The following CCDC7 variants were observed in gnomAD, a reference collection of about 807,000 sequenced individuals.
CCDC7 encodes coiled-coil domain-containing protein 7.
In CCDC7, 183 loss-of-function variants were observed where a neutral mutation model predicts 196.9. The observed-to-expected ratio is 0.93, with a 90% CI of 0.82 to 1.05. The LOEUF (loss-of-function observed/expected upper bound fraction) is 1.05. Ranked by LOEUF, CCDC7 falls within the 50% of genes least tolerant of loss-of-function variation. The pLI is 0.00. For synonymous variants in CCDC7, 525 were observed against 484.6 expected, an observed-to-expected ratio of 1.08 and a Z score of -1.10; for missense variants, 1,540 against 1,482.2, an observed-to-expected ratio of 1.04 and a Z score of -0.64.
chr10:32,523,968 T>C (rs575594148), intron 11 of CCDC7, among the ~76,000 whole-genome samples: 8 of 151,970 alleles, frequency 5.3e-5, no homozygotes, highest in Non-Finnish European at 1.2e-4. Context: ...GAAAGTTTAG[T>C]CCATTTACAT....
At chr10:32,746,107 C>A (rs1157521265) in intron 28 of CCDC7, among the ~76,000 whole-genome samples, 1 of 151,968 alleles carries the variant, frequency 6.6e-6, no homozygotes, top group African/African-American at 2.4e-5. Flanking sequence ...CACTGAGAGA[C>A]CAGACCATCA....
chr10:32,692,800 G>A (rs1283897063), intron 23 of CCDC7, among the ~76,000 whole-genome samples: 1 of 152,194 alleles, frequency 6.6e-6, no homozygotes, highest in East Asian at 1.9e-4. Context: ...TTACCCCACA[G>A]AAAAGCACTT....
At chr10:32,721,543 A>T (rs1311112806) in intron 25 of CCDC7, among the ~76,000 whole-genome samples, 2 of 152,126 alleles carry the variant, frequency 1.3e-5, no homozygotes, top group East Asian at 3.9e-4. Context: ...GGTGTCATCT[A>T]GATTTCTGCT....
chr10:32,656,413 A>T (rs909057193), intron 20 of CCDC7, among the ~76,000 whole-genome samples: 1 of 152,052 alleles, frequency 6.6e-6, no homozygotes, highest in African/African-American at 2.4e-5. Context: ...AAGAAAAGAG[A>T]TTTACTTGAC....
At chr10:32,524,809 T>A (rs2048406030) in intron 11 of CCDC7, among the ~76,000 whole-genome samples, 1 of 152,208 alleles carries the variant, frequency 6.6e-6, no homozygotes, top group Admixed American at 6.5e-5. Flanking sequence ...TAGGATCCTT[T>A]CCTTATCCTT....
chr10:32,689,653 C>T (rs2076852072), intron 23 of CCDC7, among the ~76,000 whole-genome samples: 1 of 152,084 alleles, frequency 6.6e-6, no homozygotes, highest in Non-Finnish European at 1.5e-5. Flanking sequence ...TTCTGGTAAC[C>T]CCATAGATGA....
intron 39 of CCDC7, among the ~76,000 whole-genome samples, chr10:32,849,729 A>T (rs1470633176): frequency 1.3e-5 from 2 of 151,952 alleles, no homozygotes; most frequent in East Asian, 3.9e-4. Context: ...AAGAAAAGAA[A>T]AATAGAAAGC....
chr10:32,816,230 C>T (rs969304282), intron 31 of CCDC7, among the ~76,000 whole-genome samples: 26 of 152,184 alleles, frequency 1.7e-4, no homozygotes, highest in Non-Finnish European at 2.5e-4. Context: ...CATGGAGCCT[C>T]GCTCATTGCT....
chr10:32,813,990 G>T (rs570581445), intron 30 of CCDC7, among the ~76,000 whole-genome samples: 1 of 151,228 alleles, frequency 6.6e-6, no homozygotes, highest in East Asian at 1.9e-4. Flanking sequence ...ACAGAGTCTC[G>T]CTGTGTCACC....
chr10:32,855,972 G>A (rs887101118), intron 41 of CCDC7, among the ~76,000 whole-genome samples: 2 of 152,068 alleles, frequency 1.3e-5, no homozygotes, highest in East Asian at 1.9e-4. Context: ...AGACTAATCG[G>A]TATGGAAAAA....
At chr10:32,867,881 T>A (rs756381497) in intron 41 of CCDC7, among the ~76,000 whole-genome samples, 1 of 151,890 alleles carries the variant, frequency 6.6e-6, no homozygotes, top group Non-Finnish European at 1.5e-5. Flanking sequence ...ACGTTTTTTA[T>A]CTTGCAAAAC....
intron 32 of CCDC7, among the ~76,000 whole-genome samples, chr10:32,828,485 G>GGAAGAGGAAGAAGAAGAA (rs2091618916): frequency 2.4e-4 from 12 of 49,750 alleles, no homozygotes; most frequent in Admixed American, 9.5e-4. Flanking sequence ...AAGAGGAAGA[G>GGAAGAGGAAGAAGAAGAA]GAAGAAGAAG....
chr10:32,560,645 C>T (rs1317085148), intron 13 of CCDC7, among the ~76,000 whole-genome samples: 2 of 152,294 alleles, frequency 1.3e-5, no homozygotes, highest in Admixed American at 6.5e-5. Flanking sequence ...ACCACCAGGC[C>T]TGCCCTAAAA....
intron 28 of CCDC7, among the ~76,000 whole-genome samples, chr10:32,761,491 G>C (rs1049832050): frequency 6.6e-6 from 1 of 151,866 alleles, no homozygotes; most frequent in Non-Finnish European, 1.5e-5. Flanking sequence ...GAGATTAGCT[G>C]GTTACTCTTA....
chr10:32,754,194 CAAATA>C (rs1163227155), intron 28 of CCDC7, among the ~76,000 whole-genome samples: 1 of 151,902 alleles, frequency 6.6e-6, no homozygotes, highest in Non-Finnish European at 1.5e-5. Flanking sequence ...TTAAAAGAAT[CAAATA>C]AAAGAAAATT....
At chr10:32,610,029 AGTGTGTGTGT>A (rs113353807) in intron 18 of CCDC7, among the ~76,000 whole-genome samples, 11 of 146,422 alleles carry the variant, frequency 7.5e-5, no homozygotes, top group East Asian at 6.0e-4. Context: ...TGTATGTATG[AGTGTGTGTGT>A]GTGTGTGTGT....
At chr10:32,446,664 A>G (rs2031155819), upstream of CCDC7, 1 of 152,190 alleles carries the variant, frequency 6.6e-6, no homozygotes, top group African/African-American at 2.4e-5. Context: ...AAACCAGAAA[A>G]CATTTGTCGT....
At position 32,728,711 on chromosome 10, in the gene CCDC7, A is replaced by G. The variant is rs928631745; in HGVS notation, c.2669-176A>G. The stretch of plus-strand genomic sequence containing the variant: ...TAAACTTTATTTGATGCTTCAGAAT[A>G]TTTATGAAATAATGGCTTAGCTTCC... On this transcript the variant is annotated intron_variant, in intron 26 of 41. Transcript: ENST00000639629. Among the ~76,000 whole-genome samples the G allele has an allele frequency of 5.9e-5, 9 of 152,198 alleles. No homozygotes were observed. In the East Asian group the frequency reaches 1.3e-3, roughly 23 times the overall value.
intron 38 of CCDC7, 29 bp from the exon 40 acceptor site, chr10:32,848,567 G>A: frequency 7.2e-7 from 1 of 1,390,548 alleles, no homozygotes; most frequent in Non-Finnish European, 1.0e-6. Flanking sequence ...GAGTATTCAT[G>A]CACTTTTTCT....
Sources: allele counts gnomAD v4.1 joint callset (sites outside exome capture counted in the v4.1 genomes callset), GRCh38; gene constraint gnomAD v4.1.1; transcripts MANE v1.5; gene names NCBI Gene and HGNC (gene_info 2026-07-23, HGNC 2026-07-21).